The following LANCL2 variants were observed in gnomAD, a reference collection of about 807,000 sequenced individuals.
The protein encoded by LANCL2 is lanC-like protein 2.
In LANCL2, 33 loss-of-function variants were observed where a neutral mutation model predicts 56.9. That is an observed-to-expected ratio of 0.58 (90% CI 0.44 to 0.78). The LOEUF (loss-of-function observed/expected upper bound fraction) is 0.78. Among genes scored for constraint, LANCL2 ranks in the 30% least tolerant of loss-of-function variants. The probability of loss-of-function intolerance (pLI) is 0.00; values close to 1 mark genes in which losing one functional copy is unlikely to be tolerated. For missense variants in LANCL2, 562 were observed against 580.2 expected, an observed-to-expected ratio of 0.97 and a Z score of 0.32; for synonymous variants, 233 against 228.2, an observed-to-expected ratio of 1.02 and a Z score of -0.19.
chr7:55,371,247 G>GT (rs1204393034), intron 1 of LANCL2, among the ~76,000 whole-genome samples: 7 of 151,648 alleles, frequency 4.6e-5, no homozygotes, highest in South Asian at 2.1e-4. Flanking sequence ...GTTTTGTTTT[G>GT]TTTTTTTTCG....
Position 55,401,313 on chromosome 7 carries a change from T to C in LANCL2, c.818T>C (p.Leu273Ser), listed in dbSNP as rs1562863841. The change falls in exon 5 of 9, where the codon TTA (leucine) becomes TCA (serine). Residue 273 changes from leucine (L) to serine (S), a missense_variant. Around this residue, in one of 2 missense-constraint regions of LANCL2, gnomAD observed 378 missense variants for 468.4 expected, o/e 0.81. Transcript: ENST00000254770. Reference sequence around the variant, plus strand: ...GGCATGGCTGGAATTTACTATATGTTAATGCAGGTAGGTAAGAATACTCTT... The same window carrying C: ...GGCATGGCTGGAATTTACTATATGTCAATGCAGGTAGGTAAGAATACTCTT... ...AHGMAGIYYM[L>S]MQPAAKVDQE... is the part of the protein sequence containing the mutation. 6.2e-7 allele frequency: 1 copy of C among 1,613,662 alleles called. No individual in the cohort carries two copies. The highest frequency in any genetic ancestry group is 8.5e-7 in the Non-Finnish European group (1 of 1,179,612).
At chr7:55,399,287 G>A (rs374342698) in intron 3 of LANCL2, among the ~76,000 whole-genome samples, 43 of 140,486 alleles carry the variant, frequency 3.1e-4, no homozygotes, top group East Asian at 6.1e-4. Flanking sequence ...GAAAAAGAAA[G>A]AAAAAAAAAA....
chr7:55,427,606 G>T (rs542570298), intron 7 of LANCL2, among the ~76,000 whole-genome samples: 3 of 152,194 alleles, frequency 2.0e-5, no homozygotes, highest in Non-Finnish European at 4.4e-5. Context: ...TGTCTGACTC[G>T]GAAAACTGGG....
chr7:55,406,093 G>A (rs1273438559), intron 5 of LANCL2, among the ~76,000 whole-genome samples: 8 of 152,206 alleles, frequency 5.3e-5, no homozygotes, highest in Non-Finnish European at 7.3e-5. Context: ...GAGCAGGAAC[G>A]TATGCCAAGC....
At chr7:55,413,781 A>G (rs1473845711) in intron 6 of LANCL2, among the ~76,000 whole-genome samples, 1 of 152,242 alleles carries the variant, frequency 6.6e-6, no homozygotes, top group Non-Finnish European at 1.5e-5. Context: ...CAAAGATGTC[A>G]AGATCCCATA....
Position 55,411,928 on chromosome 7 carries a change from GA to G in LANCL2, c.850del (p.Thr284ProfsTer2). ...LMQPAAKVDQ[E>X]TLTEMVKPSI... ...AAAGCCGGCAGCAAAAGTGGACCAA[GA>G]AACCTTGACAGAAATGGTGAAACCC... On this transcript the variant is annotated frameshift_variant, in exon 6 of 9. Coordinates refer to ENST00000254770, the MANE Select transcript of LANCL2 (RefSeq NM_018697.4). LOFTEE classifies it high-confidence loss of function. The G allele has an allele frequency of 6.2e-7, 1 of 1,612,354 alleles. No individual in the cohort carries two copies. Among genetic ancestry groups the G allele is most frequent in the Non-Finnish European group, 8.5e-7 (1 of 1,179,068 alleles).
rs1181700746 is a variant in LANCL2 at position 55,431,463 on chromosome 7, G to A, written c.*143G>A. 5 of 554,044 alleles carry A rather than the reference G, an allele frequency of 9.0e-6. No individual in the cohort carries two copies. Among genetic ancestry groups the A allele is most frequent in the African/African-American group, 3.8e-5 (2 of 52,316 alleles). The allele number at this position is 554,044 out of a possible 1,614,324, so 34.3% of individuals were successfully genotyped here. On this transcript the variant is annotated 3_prime_UTR_variant, in exon 9 of 9. Transcript: ENST00000254770. ...TCTGGTTAGACTAGCATGAGTGACCGAAGCCATCCATCAACATTTTCTAAC... is the reference window on the plus strand; with the variant it reads ...TCTGGTTAGACTAGCATGAGTGACCAAAGCCATCCATCAACATTTTCTAAC...
intron 5 of LANCL2, among the ~76,000 whole-genome samples, chr7:55,408,411 A>C (rs967755719): frequency 6.6e-6 from 1 of 152,140 alleles, no homozygotes; most frequent in Non-Finnish European, 1.5e-5. Flanking sequence ...TCATGCCTGT[A>C]ATCCCAGCAC....
chr7:55,401,515 C>CTTTTTTT, intron 5 of LANCL2, among the ~76,000 whole-genome samples, 195 bp downstream of exon 5: 2 of 58,046 alleles, frequency 3.4e-5, no homozygotes, highest in Non-Finnish European at 5.9e-5. Flanking sequence ...GGTATGGAGT[C>CTTTTTTT]TTTTTTTTTT....
intron 1 of LANCL2, among the ~76,000 whole-genome samples, chr7:55,387,901 T>A (rs1790144166): frequency 6.6e-6 from 1 of 152,220 alleles, no homozygotes; most frequent in African/African-American, 2.4e-5. Flanking sequence ...ATACCTCTTT[T>A]CCTTTTCTTC....
intron 2 of LANCL2, among the ~76,000 whole-genome samples, chr7:55,397,797 C>CTAT (rs904205581): frequency 1.3e-5 from 2 of 150,174 alleles, no homozygotes; most frequent in Non-Finnish European, 2.9e-5. Flanking sequence ...TGTTCTTTAT[C>CTAT]TAGAATGGAA....
chr7:55,393,709 T>G (rs1024876836), intron 2 of LANCL2, among the ~76,000 whole-genome samples: 2 of 152,236 alleles, frequency 1.3e-5, no homozygotes, highest in African/African-American at 4.8e-5. Flanking sequence ...TGATGCTTAT[T>G]ATTTGCCTAT....
intron 1 of LANCL2, among the ~76,000 whole-genome samples, chr7:55,383,421 G>A (rs1217991076): frequency 6.6e-6 from 1 of 152,112 alleles, no homozygotes; most frequent in Non-Finnish European, 1.5e-5. Flanking sequence ...CATTCACATA[G>A]CCCTCAAAGT....
intron 1 of LANCL2, among the ~76,000 whole-genome samples, chr7:55,385,922 A>G (rs1279350837): frequency 6.6e-6 from 1 of 152,176 alleles, no homozygotes; most frequent in African/African-American, 2.4e-5. Context: ...CTAGGTGCGC[A>G]TTCTCTTTCT....
chr7:55,379,971 T>C (rs1029443014), intron 1 of LANCL2: 2 of 152,276 alleles, frequency 1.3e-5, no homozygotes. Flanking sequence ...AAGATTTTCA[T>C]GAAGCTCTCC....
At chr7:55,407,205 A>G (rs1249616193) in intron 5 of LANCL2, among the ~76,000 whole-genome samples, 1 of 152,182 alleles carries the variant, frequency 6.6e-6, no homozygotes, top group Admixed American at 6.5e-5. Flanking sequence ...CAATTCAGGA[A>G]AGCCAGATGT....
chr7:55,385,323 GA>G lies in LANCL2; in HGVS notation c.205-6468del, dbSNP rs566841121. On this transcript the variant is annotated intron_variant, in intron 1 of 8. Coordinates refer to ENST00000254770, the MANE Select transcript of LANCL2 (RefSeq NM_018697.4). ...CAGAAAGGCAGATTTATTAGAGAAA[GA>G]AGGAAAAGATGTTGCAAGGAGGTGA... Among the ~76,000 whole-genome samples the G allele has an allele frequency of 7.9e-5, 12 of 152,340 alleles. No homozygotes were observed. The South Asian group carries it at 2.5e-3, about 32-fold the overall frequency.
At chr7:55,409,876 A>G (rs1790452978) in intron 5 of LANCL2, among the ~76,000 whole-genome samples, 1 of 152,230 alleles carries the variant, frequency 6.6e-6, no homozygotes, top group Non-Finnish European at 1.5e-5. Context: ...GTGTAAAAGA[A>G]TATCTGTAAT....
chr7:55,379,049 T>G (rs960291354), intron 1 of LANCL2, among the ~76,000 whole-genome samples: 3 of 152,058 alleles, frequency 2.0e-5, no homozygotes, highest in African/African-American at 7.3e-5. Flanking sequence ...GAGAATGGTG[T>G]GAAGGCAGGA....
Sources: gnomAD v4.1 joint callset for allele counts (sites outside exome capture counted in the v4.1 genomes callset) on GRCh38, gnomAD v4.1.1 for gene constraint, gnomAD v4.1.1 regional missense constraint, MANE v1.5 for transcripts, NCBI Gene and HGNC (gene_info 2026-07-23, HGNC 2026-07-21) for gene names.